The following ELF4 variants were observed in gnomAD, a reference collection of about 807,000 sequenced individuals.
ELF4 encodes the protein E74 like ETS transcription factor 4, also known as ETS-related transcription factor Elf-4.
ELF4 carries 10 observed loss-of-function variants against 31.7 expected under a neutral mutation model. That is an observed-to-expected ratio of 0.32 (90% CI 0.19 to 0.54). The LOEUF is 0.54. Among genes scored for constraint, ELF4 ranks in the 20% least tolerant of loss-of-function variants. The pLI is 0.95. For missense variants in ELF4, 418 were observed against 522.0 expected (o/e 0.80, Z 1.94); for synonymous variants, 208 against 226.7 (o/e 0.92, Z 0.74).
At chrX:130,098,264 T>C (rs771527956) in intron 1 of ELF4, among the ~76,000 whole-genome samples, 2 of 111,648 alleles carry the variant, frequency 1.8e-5, no homozygotes, top group East Asian at 5.7e-4. Context: ...TTTTAAATTG[T>C]ACCTTCTCTA....
In ELF4 at chrX:130,064,166, G is replaced by C. The variant is rs1467701047; in HGVS notation, c.*2555C>G. 9.0e-6 allele frequency among the ~76,000 whole-genome samples: 1 copy of C among 110,824 alleles called. No individual in the cohort carries two copies. Among genetic ancestry groups the C allele is most frequent in the African/African-American group, 3.3e-5 (1 of 30,464 alleles). On this transcript the variant is annotated 3_prime_UTR_variant, in exon 9 of 9. Transcript: ENST00000308167. ...TAAAAATCCATTGTTGGCCAGCCGTGGTTGCTCACGCCTGTAATCCCAGCA... is the reference window on the plus strand; with the variant it reads ...TAAAAATCCATTGTTGGCCAGCCGTCGTTGCTCACGCCTGTAATCCCAGCA...
chrX:130,069,459 T>C lies in ELF4; in HGVS notation c.1028A>G (p.Lys343Arg), dbSNP rs1164114061. ...RVSSRSAPQG[K>R]GSSSWEKPKI... is the part of the protein sequence containing the mutation. ...TGGCTTCTCCCAAGAAGAGCTGCCC[T>C]TGCCCTGGGGGGCAGATCTGGATGA... is the stretch of plus-strand genomic sequence containing the variant. Residue 343 changes from lysine to arginine, a missense_variant, in exon 8 of 9, where the codon AAG becomes AGG. Around this residue, in one of 4 missense-constraint regions of ELF4, gnomAD observed 260 missense variants for 269.2 expected, o/e 0.97. Transcript: ENST00000308167. 3 of 1,211,105 alleles carry C rather than the reference T, an allele frequency of 2.5e-6. No homozygotes were observed. Among genetic ancestry groups the C allele is most frequent in the Non-Finnish European group, 3.4e-6 (3 of 895,447 alleles).
At chrX:130,088,128 T>C (rs2124626187) in intron 1 of ELF4, among the ~76,000 whole-genome samples, 1 of 111,306 alleles carries the variant, frequency 9.0e-6, no homozygotes, top group Admixed American at 9.6e-5. Context: ...AGAGTGGGTC[T>C]GAGGCAGGAG....
chrX:130,066,225 C>T lies in ELF4; in HGVS notation c.*496G>A, dbSNP rs1932666458. 2 of 177,384 alleles carry T rather than the reference C, an allele frequency of 1.1e-5. No individual in the cohort carries two copies. Among genetic ancestry groups the T allele is most frequent in the South Asian group, 3.0e-4 (1 of 3,291 alleles). 14.6% of individuals were successfully genotyped at this position (177,384 alleles called of 1,213,427 possible). A position where few individuals can be genotyped will look rare whatever the true frequency, so the allele number is the denominator to read the frequency against. ...AATCCCTATCCCTGTGGCTGATCCACGGAGACATACACACACCCTTGGAGA... is the reference window on the plus strand; with the variant it reads ...AATCCCTATCCCTGTGGCTGATCCATGGAGACATACACACACCCTTGGAGA... On this transcript the variant is annotated 3_prime_UTR_variant, in exon 9 of 9. Coordinates refer to ENST00000308167, the MANE Select transcript of ELF4 (RefSeq NM_001421.4).
At chrX:130,075,680 G>C (rs1932828576) in intron 2 of ELF4, among the ~76,000 whole-genome samples, 2 of 111,962 alleles carry the variant, frequency 1.8e-5, no homozygotes, top group African/African-American at 6.5e-5. Context: ...GAATAGACCA[G>C]CTGATGGCAA....
intron 1 of ELF4, among the ~76,000 whole-genome samples, chrX:130,102,877 AGAG>A (rs1569410536): frequency 7.6e-4 from 39 of 51,151 alleles, no homozygotes; most frequent in African/African-American, 1.4e-3. Flanking sequence ...AGAGAGAGAG[AGAG>A]AGAGAGAAAG....
chrX:130,087,550 G>A (rs1278157498), intron 1 of ELF4, among the ~76,000 whole-genome samples: 1 of 112,358 alleles, frequency 8.9e-6, no homozygotes, highest in African/African-American at 3.2e-5. Context: ...GCGCGATCTC[G>A]GCTCACTGCA....
At chrX:130,074,784 C>T in intron 2 of ELF4, 32 bp from the exon 3 acceptor site, 1 of 1,206,081 alleles carries the variant, frequency 8.3e-7, no homozygotes, top group Non-Finnish European at 1.1e-6. Context: ...GATTCAAGAC[C>T]CACCCAGCTC....
In ELF4 at chrX:130,064,624, T is replaced by C. The variant is rs1177618794; in HGVS notation, c.*2097A>G. On this transcript the variant is annotated 3_prime_UTR_variant, in exon 9 of 9. Coordinates refer to ENST00000308167, the MANE Select transcript of ELF4 (RefSeq NM_001421.4). Reference sequence around the variant, plus strand: ...AAAATGAGCCCAAAATGGATGAGATTCTTGAACAGCCACGTTGGAAGTGGT... The same window carrying C: ...AAAATGAGCCCAAAATGGATGAGATCCTTGAACAGCCACGTTGGAAGTGGT... Among the ~76,000 whole-genome samples the C allele has an allele frequency of 4.5e-5, 5 of 111,478 alleles. No homozygotes were observed. Among genetic ancestry groups the C allele is most frequent in the Non-Finnish European group, 7.5e-5 (4 of 53,027 alleles).
upstream of ELF4, among the ~76,000 whole-genome samples, chrX:130,111,161 G>T (rs777270871): frequency 2.3e-4 from 25 of 109,062 alleles, no homozygotes; most frequent in Middle Eastern, 4.7e-3. Flanking sequence ...CGCGCCCGGG[G>T]GACCACGAGG....
chrX:130,080,569 GGAA>G (rs1404703259), intron 2 of ELF4, among the ~76,000 whole-genome samples: 6 of 110,932 alleles, frequency 5.4e-5, no homozygotes, highest in Non-Finnish European at 9.4e-5. Flanking sequence ...TCCATTTTAT[GGAA>G]GAAGGAGAAT....
In ELF4 at chrX:130,071,022, C is replaced by T. The variant is rs199873426; in HGVS notation, c.809+18G>A. On this transcript the variant is annotated intron_variant, in intron 7 of 8. Transcript: ENST00000308167. The stretch of plus-strand genomic sequence containing the variant: ...GATCCCCAGGGCAGGGGTTCTGCAT[C>T]ATCCCAACAGCTCCTACCTTAGTGC... The T allele has an allele frequency of 8.8e-5, 106 of 1,209,371 alleles. No homozygotes were observed. Among genetic ancestry groups the T allele is most frequent in the Non-Finnish European group, 1.1e-4 (101 of 895,042 alleles).
At chrX:130,085,251 G>T (rs1412358146) in intron 1 of ELF4, among the ~76,000 whole-genome samples, 1 of 111,915 alleles carries the variant, frequency 8.9e-6, no homozygotes, top group Non-Finnish European at 1.9e-5. Flanking sequence ...CAAAGCCTTT[G>T]CGAGAAAGTA....
intron 2 of ELF4, among the ~76,000 whole-genome samples, chrX:130,078,345 G>A (rs1185990821): frequency 2.5e-5 from 2 of 80,015 alleles, no homozygotes; most frequent in Non-Finnish European, 4.8e-5. Context: ...CAGCCTGACC[G>A]GCTCACACCT....
At chrX:130,084,969 G>A (rs771223168) in intron 1 of ELF4, among the ~76,000 whole-genome samples, 2 of 112,736 alleles carry the variant, frequency 1.8e-5, no homozygotes, top group South Asian at 7.2e-4. Flanking sequence ...TGGCTGGGAC[G>A]CAGCTTCAGT....
At chrX:130,080,656 T>A (rs1932879305) in intron 2 of ELF4, among the ~76,000 whole-genome samples, 1 of 110,936 alleles carries the variant, frequency 9.0e-6, no homozygotes, top group Non-Finnish European at 1.9e-5. Context: ...AACGTGCCAG[T>A]GTAGGGAAGG....
intron 1 of ELF4, among the ~76,000 whole-genome samples, chrX:130,086,900 G>A (rs930697466): frequency 8.9e-6 from 1 of 111,768 alleles, no homozygotes; most frequent in African/African-American, 3.3e-5. Flanking sequence ...TCCTTGCCTG[G>A]GCTGGGGACC....
chrX:130,108,211 A>C (rs1205939509), intron 1 of ELF4, among the ~76,000 whole-genome samples: 1 of 110,747 alleles, frequency 9.0e-6, no homozygotes, highest in Admixed American at 9.6e-5. Flanking sequence ...TCCATCTCAA[A>C]AAAAAAAAAA....
chrX:130,104,211 G>C (rs1933333024), intron 1 of ELF4, among the ~76,000 whole-genome samples: 1 of 109,529 alleles, frequency 9.1e-6, no homozygotes, highest in African/African-American at 3.3e-5. Flanking sequence ...AGAAGGCAAT[G>C]TTAGTACAAA....
Sources: allele counts gnomAD v4.1 joint callset (sites outside exome capture counted in the v4.1 genomes callset), GRCh38; gene constraint gnomAD v4.1.1; regional missense constraint gnomAD v4.1.1; transcripts MANE v1.5; gene names NCBI Gene and HGNC (gene_info 2026-07-23, HGNC 2026-07-21).